Variants in VDAC1 observed in about 807,000 individuals in gnomAD.
VDAC1 encodes non-selective voltage-gated ion channel VDAC1.
VDAC1 carries 10 observed loss-of-function variants against 34.7 expected under a neutral mutation model. That is an observed-to-expected ratio of 0.29 (90% confidence interval 0.18 to 0.49). The LOEUF (loss-of-function observed/expected upper bound fraction) is 0.49. Among genes scored for constraint, VDAC1 ranks in the 20% least tolerant of loss-of-function variants. The pLI, the probability that VDAC1 is intolerant of heterozygous loss-of-function variation, is 0.99. For missense variants in VDAC1, 230 were observed against 347.9 expected (o/e 0.66, Z 2.69); for synonymous variants, 130 against 136.0 (o/e 0.96, Z 0.30).
chr5:133,998,989 C>T (rs971874207), intron 1 of VDAC1, among the ~76,000 whole-genome samples: 2 of 152,100 alleles, frequency 1.3e-5, no homozygotes, highest in African/African-American at 4.8e-5. Context: ...GAAATATGCT[C>T]TCTTCTCTGC....
the VDAC1 span, among the ~76,000 whole-genome samples, chr5:134,048,602 A>G: frequency 6.6e-6 from 1 of 152,196 alleles, no homozygotes; most frequent in Non-Finnish European, 1.5e-5. Flanking sequence ...AAACTTCATT[A>G]CTACTCATAA....
chr5:133,980,971 G>T lies in VDAC1; in HGVS notation c.324-15C>A. The T allele has an allele frequency of 1.9e-6, 3 of 1,580,810 alleles. No homozygotes were observed. The highest frequency in any genetic ancestry group is 2.6e-6 in the Non-Finnish European group (3 of 1,151,092). On this transcript the variant is annotated splice_polypyrimidine_tract_variant and intron_variant, in intron 5 of 8. Coordinates refer to ENST00000265333, the MANE Select transcript of VDAC1 (RefSeq NM_003374.3). ...CATTTTTTTTCCTGAAGGAAAATAA[G>T]TTATATTAAGATCAGAAGCTAACTC... is the stretch of plus-strand genomic sequence containing the variant.
At chr5:134,085,616 A>G in the VDAC1 span, among the ~76,000 whole-genome samples, 1 of 146,856 alleles carries the variant, frequency 6.8e-6, no homozygotes, top group Non-Finnish European at 1.5e-5. Flanking sequence ...GGCCAGGCGC[A>G]GTGGCTCACG....
the VDAC1 span, among the ~76,000 whole-genome samples, chr5:134,055,274 A>G: frequency 1.3e-5 from 2 of 152,110 alleles, no homozygotes; most frequent in African/African-American, 2.4e-5. Context: ...TGTGGTGGCT[A>G]TGGGGTGATT....
At chr5:134,023,323 C>T in the VDAC1 span, among the ~76,000 whole-genome samples, 2 of 151,602 alleles carry the variant, frequency 1.3e-5, no homozygotes, top group African/African-American at 2.4e-5. Context: ...TGGGGTCTGT[C>T]GGGGGGCAAG....
chr5:134,045,842 G>A, the VDAC1 span, among the ~76,000 whole-genome samples: 13 of 151,624 alleles, frequency 8.6e-5, no homozygotes, highest in African/African-American at 1.7e-4. Context: ...ACACCACCAC[G>A]CCTGGCTAAT....
chr5:134,096,573 G>A, the VDAC1 span, among the ~76,000 whole-genome samples: 4 of 151,418 alleles, frequency 2.6e-5, no homozygotes, highest in African/African-American at 9.7e-5. Flanking sequence ...CCCTTTCTAT[G>A]CTTATCTATA....
At chr5:134,034,181 A>C in the VDAC1 span, among the ~76,000 whole-genome samples, 2 of 3,674 alleles carry the variant, frequency 5.4e-4, no homozygotes, top group East Asian at 0.016. Context: ...TGTCACGCGC[A>C]AAAAAAAAAA....
chr5:134,075,359 A>G, the VDAC1 span, among the ~76,000 whole-genome samples: 1 of 152,190 alleles, frequency 6.6e-6, no homozygotes, highest in East Asian at 1.9e-4. Flanking sequence ...CACTACTTTC[A>G]CACTGCTATT....
the VDAC1 span, among the ~76,000 whole-genome samples, chr5:134,045,777 C>T: frequency 6.6e-6 from 1 of 151,986 alleles, no homozygotes; most frequent in Non-Finnish European, 1.5e-5. Flanking sequence ...CTCTGCTTCC[C>T]AGGTTCAAGT....
chr5:134,081,419 T>G, the VDAC1 span, among the ~76,000 whole-genome samples: 2 of 152,316 alleles, frequency 1.3e-5, no homozygotes, highest in African/African-American at 4.8e-5. Context: ...CCTCAGGCAA[T>G]CTACCCACCT....
At chr5:134,102,234 G>A in the VDAC1 span, among the ~76,000 whole-genome samples, 1 of 152,174 alleles carries the variant, frequency 6.6e-6, no homozygotes, top group Non-Finnish European at 1.5e-5. Context: ...TGAGAGGGGA[G>A]GAGGCTGAGG....
At chr5:134,072,431 C>G in the VDAC1 span, among the ~76,000 whole-genome samples, 2 of 152,164 alleles carry the variant, frequency 1.3e-5, no homozygotes, top group African/African-American at 4.8e-5. Context: ...AACAGAGCCT[C>G]CTTCCCACCT....
At chr5:134,093,158 T>C in the VDAC1 span, among the ~76,000 whole-genome samples, 2 of 152,228 alleles carry the variant, frequency 1.3e-5, no homozygotes, top group African/African-American at 2.4e-5. Flanking sequence ...TGCATTTCAA[T>C]TGATAGAACT....
chr5:134,090,543 C>T, the VDAC1 span, among the ~76,000 whole-genome samples: 9 of 152,138 alleles, frequency 5.9e-5, no homozygotes, highest in Non-Finnish European at 1.3e-4. Context: ...TGGCCTGGTT[C>T]TCTGGTCTTC....
the VDAC1 span, among the ~76,000 whole-genome samples, chr5:134,110,106 G>A: frequency 6.6e-6 from 1 of 152,154 alleles, no homozygotes. Context: ...CACAATGTGG[G>A]AAAAATAACC....
chr5:134,074,369 A>T, the VDAC1 span, among the ~76,000 whole-genome samples: 1 of 152,024 alleles, frequency 6.6e-6, no homozygotes, highest in Non-Finnish European at 1.5e-5. Flanking sequence ...CTTTGAAATG[A>T]CATCTACTTT....
At chr5:134,084,509 G>A in the VDAC1 span, among the ~76,000 whole-genome samples, 2 of 152,230 alleles carry the variant, frequency 1.3e-5, no homozygotes, top group Non-Finnish European at 1.5e-5. Context: ...GGGTGGCATG[G>A]TTGGGGGGTC....
chr5:134,055,486 C>T, the VDAC1 span, among the ~76,000 whole-genome samples: 1,172 of 151,714 alleles, frequency 7.7e-3, 14 homozygotes, highest in African/African-American at 0.027. Context: ...GTGGCGCGAT[C>T]TCGGCTCACT....
Sources: gnomAD v4.1 joint callset for allele counts (sites outside exome capture counted in the v4.1 genomes callset) on GRCh38, gnomAD v4.1.1 for gene constraint, MANE v1.5 for transcripts, NCBI Gene and HGNC (gene_info 2026-07-23, HGNC 2026-07-21) for gene names.